Variants in FER observed in about 807,000 individuals in gnomAD.
FER encodes the protein FER tyrosine kinase, also known as tyrosine-protein kinase Fer.
FER carries 63 observed loss-of-function variants against 111.0 expected under a neutral mutation model. That is an observed-to-expected ratio of 0.57 (90% CI 0.46 to 0.70). FER has a LOEUF of 0.70. FER is among the 30% of genes least tolerant of loss of function. FER has a pLI of 0.00. For synonymous variants in FER, 327 were observed against 313.9 expected, an observed-to-expected ratio of 1.04 and a Z score of -0.44; for missense variants, 914 against 954.0, an observed-to-expected ratio of 0.96 and a Z score of 0.55.
At chr5:109,072,718 G>T (rs1775911251) in intron 16 of FER, among the ~76,000 whole-genome samples, 1 of 151,968 alleles carries the variant, frequency 6.6e-6, no homozygotes, top group South Asian at 2.1e-4. Flanking sequence ...GGTTTGATAG[G>T]ACTGAAGTAA....
intron 7 of FER, 146 bp from the exon 8 acceptor site, chr5:108,871,947 C>T: frequency 1.3e-6 from 1 of 799,262 alleles, no homozygotes; most frequent in Non-Finnish European, 1.9e-6. Context: ...ATTTTGAAAC[C>T]CAGGATTTAG....
chr5:108,797,508 G>A (rs1388257641), intron 2 of FER, among the ~76,000 whole-genome samples: 1 of 152,184 alleles, frequency 6.6e-6, no homozygotes, highest in Non-Finnish European at 1.5e-5. Flanking sequence ...GCTTTCTGCT[G>A]TGACATGGCA....
chr5:108,860,987 C>T (rs1404481843), intron 5 of FER, among the ~76,000 whole-genome samples: 2 of 152,038 alleles, frequency 1.3e-5, no homozygotes, highest in Non-Finnish European at 2.9e-5. Context: ...GTAAAAATAC[C>T]CCTTCATGAT....
intron 5 of FER, among the ~76,000 whole-genome samples, chr5:108,865,991 C>A (rs1764014046): frequency 6.6e-6 from 1 of 152,156 alleles, no homozygotes; most frequent in African/African-American, 2.4e-5. Context: ...GTTGGTGGGA[C>A]TGTAAACAAG....
At chr5:108,997,961 C>G (rs1270158215) in intron 13 of FER, among the ~76,000 whole-genome samples, 1 of 151,992 alleles carries the variant, frequency 6.6e-6, no homozygotes, top group Non-Finnish European at 1.5e-5. Flanking sequence ...ACTCAAGCTT[C>G]AGCAATGGTG....
At chr5:109,152,829 A>T (rs1377733542) in intron 17 of FER, among the ~76,000 whole-genome samples, 1 of 151,974 alleles carries the variant, frequency 6.6e-6, no homozygotes, top group Non-Finnish European at 1.5e-5. Flanking sequence ...TACCTATCTT[A>T]TTACCACCAT....
chr5:109,047,286 G>A (rs893326637), intron 16 of FER, 88 bp downstream of exon 16: 6 of 726,596 alleles, frequency 8.3e-6, no homozygotes, highest in Non-Finnish European at 1.1e-5. Flanking sequence ...ATTTCTCCTC[G>A]TAAAGTCTCC....
At chr5:109,126,934 G>A (rs1453983113) in intron 17 of FER, among the ~76,000 whole-genome samples, 1 of 152,158 alleles carries the variant, frequency 6.6e-6, no homozygotes, top group Non-Finnish European at 1.5e-5. Flanking sequence ...GTGAAGATTA[G>A]GGAGAACAAA....
intron 13 of FER, among the ~76,000 whole-genome samples, chr5:109,001,674 G>T (rs912465749): frequency 1.1e-4 from 17 of 152,156 alleles, no homozygotes; most frequent in South Asian, 4.1e-4. Context: ...CATTCAATTA[G>T]GAAAAGAGGA....
intron 10 of FER, among the ~76,000 whole-genome samples, chr5:108,908,762 T>C (rs1008234127): frequency 2.0e-5 from 3 of 150,790 alleles, no homozygotes; most frequent in Admixed American, 2.0e-4. Flanking sequence ...AGGCCAGGTG[T>C]GGTGGCTGGC....
intron 3 of FER, among the ~76,000 whole-genome samples, chr5:108,803,016 G>A (rs1050091657): frequency 1.3e-5 from 2 of 151,990 alleles, no homozygotes; most frequent in Non-Finnish European, 2.9e-5. Context: ...TTGTTTTTTT[G>A]ACGTTTTAAT....
chr5:108,898,656 CT>C (rs1749543228), intron 10 of FER, among the ~76,000 whole-genome samples: 1 of 144,538 alleles, frequency 6.9e-6, no homozygotes, highest in African/African-American at 2.6e-5. Context: ...TCCTTTCTCT[CT>C]TCCTCTTTCT....
intron 17 of FER, among the ~76,000 whole-genome samples, chr5:109,144,867 G>C (rs972235073): frequency 2.5e-4 from 38 of 152,164 alleles, no homozygotes; most frequent in Non-Finnish European, 2.4e-4. Context: ...GTAAATTGGA[G>C]AACATGAGAA....
At chr5:109,021,321 G>A (rs1767896660) in intron 13 of FER, among the ~76,000 whole-genome samples, 1 of 151,904 alleles carries the variant, frequency 6.6e-6, no homozygotes, top group Non-Finnish European at 1.5e-5. Flanking sequence ...AGTCTTTCTG[G>A]ATGCTTCTTT....
intron 2 of FER, among the ~76,000 whole-genome samples, chr5:108,788,898 C>T (rs1755047405): frequency 6.6e-6 from 1 of 152,150 alleles, no homozygotes; most frequent in African/African-American, 2.4e-5. Flanking sequence ...ATTGAATTGT[C>T]TCTCTTTTGT....
chr5:108,773,210 G>A (rs373014120), intron 2 of FER, among the ~76,000 whole-genome samples: 1 of 152,030 alleles, frequency 6.6e-6, no homozygotes, highest in African/African-American at 2.4e-5. Context: ...TAAGCTCAGG[G>A]TTACATGTGC....
intron 18 of FER, among the ~76,000 whole-genome samples, chr5:109,183,396 CCG>C (rs898368250): frequency 3.3e-5 from 5 of 151,874 alleles, no homozygotes; most frequent in Non-Finnish European, 7.4e-5. Context: ...CTACAGGTGC[CCG>C]CCACCACGCC....
intron 13 of FER, among the ~76,000 whole-genome samples, chr5:109,023,075 G>A (rs940604834): frequency 3.3e-5 from 5 of 152,048 alleles, no homozygotes; most frequent in African/African-American, 1.2e-4. Context: ...CATGAAATCA[G>A]GTTAAAAGAC....
chr5:108,926,542 A>G (rs1376141141), intron 10 of FER, among the ~76,000 whole-genome samples: 2 of 152,230 alleles, frequency 1.3e-5, no homozygotes, highest in South Asian at 2.1e-4. Context: ...CAATTCAACA[A>G]GTACATACTT....
Sources: gnomAD v4.1 joint callset for allele counts (sites outside exome capture counted in the v4.1 genomes callset) on GRCh38, gnomAD v4.1.1 for gene constraint, MANE v1.5 for transcripts, NCBI Gene and HGNC (gene_info 2026-07-23, HGNC 2026-07-21) for gene names.